The following MTAP variants were observed in gnomAD, a reference collection of about 807,000 sequenced individuals.
MTAP encodes S-methyl-5'-thioadenosine phosphorylase.
A neutral mutation model predicts 33.6 loss-of-function variants in MTAP; 33 were observed. That is an observed-to-expected ratio of 0.98 (90% confidence interval 0.74 to 1.31). MTAP has a LOEUF of 1.31. Ranked by LOEUF, MTAP falls within the 40% of genes most tolerant of loss-of-function variation. The probability of loss-of-function intolerance (pLI) is 0.00; values close to 1 mark genes in which losing one functional copy is unlikely to be tolerated. For synonymous variants in MTAP, 148 were observed against 125.7 expected (o/e 1.18, Z -1.19); for missense variants, 367 against 360.0 (o/e 1.02, Z -0.16).
rs536290938 is a variant in MTAP at position 21,821,893 on chromosome 9, C to T, written c.347+3691C>T. Among the ~76,000 whole-genome samples, 40 of 152,260 alleles carry T rather than the reference C, an allele frequency of 2.6e-4. No homozygotes were observed. In the South Asian group the frequency reaches 7.3e-3, roughly 28 times the overall value. ...GTGTCCAGGAATTTATCCATTTCTT[C>T]TAGATTTTCTAGTTTATTTGCATAG... On this transcript the variant is annotated intron_variant, in intron 4 of 7. Transcript: ENST00000644715.
At position 21,858,421 on chromosome 9, in the gene MTAP, G is replaced by A. The variant is rs143761071; in HGVS notation, c.691-882G>A. Among the ~76,000 whole-genome samples, 48 of 152,262 alleles carry A rather than the reference G, an allele frequency of 3.2e-4. No individual in the cohort carries two copies. The East Asian group carries it at 7.5e-3, about 24-fold the overall frequency. On this transcript the variant is annotated intron_variant, in intron 6 of 7. Coordinates refer to ENST00000644715, the MANE Select transcript of MTAP (RefSeq NM_002451.4). ...TATGGTTCTACAGGCTGTACGGGAC[G>A]TGATGCTGGCATCTGCTCAGCTTCT...
chr9:21,810,875 C>T (rs185864459), intron 1 of MTAP, among the ~76,000 whole-genome samples: 120 of 152,284 alleles, frequency 7.9e-4, no homozygotes, highest in Admixed American at 1.8e-3. Flanking sequence ...TCCCTGTGGA[C>T]CCTATTGCAG....
chr9:21,928,991 G>A (rs1263922822), intron 1 of MTAP, among the ~76,000 whole-genome samples: 1 of 151,954 alleles, frequency 6.6e-6, no homozygotes, highest in Non-Finnish European at 1.5e-5. Context: ...GTCGGAAGGG[G>A]AAACAATCCC....
chr9:21,868,751 C>A (rs1401340081), downstream of MTAP, among the ~76,000 whole-genome samples: 1 of 152,252 alleles, frequency 6.6e-6, no homozygotes, highest in Admixed American at 6.5e-5. Context: ...TTCAAGACCC[C>A]CCTCTGCTGC....
intron 1 of MTAP, among the ~76,000 whole-genome samples, chr9:21,890,328 G>A (rs139963092): frequency 3.9e-5 from 6 of 152,258 alleles, no homozygotes; most frequent in Non-Finnish European, 7.4e-5. Context: ...AGCAATCACC[G>A]CTGAGATCTT....
At chr9:21,910,798 C>T (rs1264638458) in intron 1 of MTAP, among the ~76,000 whole-genome samples, 1 of 152,076 alleles carries the variant, frequency 6.6e-6, no homozygotes, top group African/African-American at 2.4e-5. Flanking sequence ...AGAGTATTTC[C>T]ATCGCTCTCC....
intron 5 of MTAP, among the ~76,000 whole-genome samples, chr9:21,840,520 A>G: frequency 6.6e-6 from 1 of 152,226 alleles, no homozygotes; most frequent in East Asian, 1.9e-4. Flanking sequence ...AACCTTACCT[A>G]GAGGTGAAAC....
intron 4 of MTAP, among the ~76,000 whole-genome samples, chr9:21,821,066 T>C (rs1824623622): frequency 6.6e-6 from 1 of 152,260 alleles, no homozygotes; most frequent in Non-Finnish European, 1.5e-5. Context: ...TCATGTCATC[T>C]GCAAACAAGG....
In MTAP at chr9:21,922,723, C is replaced by A. The variant is rs1477159014; in HGVS notation, c.148-8285C>A. On this transcript the variant is annotated intron_variant, in intron 1 of 1. Transcript: ENST00000577563. This position sits in a 1 kb window ranked among gnomAD's most constrained non-coding sequence, Gnocchi z 4.8. ...CCCTTTCACTCTCCTGCCTTCCAAC[C>A]AATTCCCAGAACTATTACTCTCAGC... is the stretch of plus-strand genomic sequence containing the variant. 2.0e-5 allele frequency among the ~76,000 whole-genome samples: 3 copies of A among 152,134 alleles called. No individual in the cohort carries two copies. Among genetic ancestry groups the A allele is most frequent in the Non-Finnish European group, 4.4e-5 (3 of 68,030 alleles).
chr9:21,854,923 AG>A, intron 6 of MTAP, 53 bp downstream of exon 6: 1 of 1,596,508 alleles, frequency 6.3e-7, no homozygotes, highest in Admixed American at 1.7e-5. Context: ...GGGTGCCAAT[AG>A]GGTGTCTTAA....
chr9:21,901,608 T>A (rs1818394175), intron 1 of MTAP, among the ~76,000 whole-genome samples: 1 of 152,154 alleles, frequency 6.6e-6, no homozygotes, highest in South Asian at 2.1e-4. Flanking sequence ...AATAAAGGAC[T>A]AGGGAGGATA....
chr9:21,806,456 C>G (rs563680404), intron 1 of MTAP, among the ~76,000 whole-genome samples: 1 of 152,184 alleles, frequency 6.6e-6, no homozygotes, highest in African/African-American at 2.4e-5. Flanking sequence ...TCCTTCCTCC[C>G]AGATACTGCT....
At chr9:21,928,482 T>G (rs1395686814) in intron 1 of MTAP, among the ~76,000 whole-genome samples, 1 of 152,090 alleles carries the variant, frequency 6.6e-6, no homozygotes, top group Non-Finnish European at 1.5e-5. Context: ...TGTAGGTACC[T>G]TCACAGAACG....
intron 1 of MTAP, among the ~76,000 whole-genome samples, chr9:21,918,088 C>T (rs1361950753): frequency 6.3e-5 from 4 of 63,004 alleles, no homozygotes; most frequent in South Asian, 5.4e-4. Flanking sequence ...GCGGTGGCTC[C>T]GCCTGTAATC....
chr9:21,806,694 A>G (rs769305922), intron 1 of MTAP, among the ~76,000 whole-genome samples: 2 of 152,132 alleles, frequency 1.3e-5, no homozygotes, highest in Admixed American at 6.5e-5. Context: ...TAACACTGCC[A>G]TTGTCTGAGA....
At chr9:21,815,651 G>C (rs565240106) in intron 2 of MTAP, 132 bp downstream of exon 2, 10 of 688,014 alleles carry the variant, frequency 1.5e-5, no homozygotes, top group Non-Finnish European at 2.5e-5. Flanking sequence ...TCCCAGCAGA[G>C]AGGGCCAGAA....
intron 1 of MTAP, chr9:21,811,560 T>G (rs1304090733): frequency 2.7e-6 from 1 of 367,036 alleles, no homozygotes; most frequent in Non-Finnish European, 5.4e-6. Flanking sequence ...ATAGAACAGA[T>G]TGTGCGTGAA....
chr9:21,856,778 C>T (rs7871127), intron 6 of MTAP, among the ~76,000 whole-genome samples: 15,064 of 152,188 alleles, frequency 0.099, 907 homozygotes, highest in East Asian at 0.21. Flanking sequence ...TTCAGCCAAT[C>T]GTGTGTTGCA....
At chr9:21,906,317 A>G (rs1818475937) in intron 1 of MTAP, among the ~76,000 whole-genome samples, 1 of 152,220 alleles carries the variant, frequency 6.6e-6, no homozygotes, top group Admixed American at 6.5e-5. Context: ...TTTAGAAAAC[A>G]AAGTAGAATT....
Sources: allele counts gnomAD v4.1 joint callset (sites outside exome capture counted in the v4.1 genomes callset), GRCh38; gene constraint gnomAD v4.1.1; non-coding constraint Gnocchi (gnomAD v3.1); transcripts MANE v1.5; gene names NCBI Gene and HGNC (gene_info 2026-07-23, HGNC 2026-07-21).